The following AGPAT2 variants were observed in gnomAD, a reference collection of about 807,000 sequenced individuals.
AGPAT2 encodes 1-acyl-sn-glycerol-3-phosphate acyltransferase beta.
In AGPAT2, 18 loss-of-function variants were observed where a neutral mutation model predicts 26.1. The observed-to-expected ratio is 0.69, with a 90% CI of 0.48 to 1.02. The LOEUF is 1.02. Among genes scored for constraint, AGPAT2 ranks in the 50% least tolerant of loss-of-function variants. The pLI, the probability that AGPAT2 is intolerant of heterozygous loss-of-function variation, is 0.00. For synonymous variants in AGPAT2, 200 were observed against 174.2 expected (o/e 1.15, Z -1.16); for missense variants, 415 against 394.9 (o/e 1.05, Z -0.43).
Position 136,676,635 on chromosome 9 carries a change from C to CCCCATTGT in AGPAT2, c.530_537dup (p.Asp180ThrfsTer76). Reference sequence around the variant, plus strand: ...GCGCCCTTCTTAAAAGGCAGCAGGTCCCCATTGTCGTTGCGAGTACCCTCG... The same window carrying CCCCATTGT: ...GCGCCCTTCTTAAAAGGCAGCAGGTCCCCATTGTCCCATTGTCGTTGCGAGTACCCTCG... On this transcript the variant is annotated frameshift_variant, in exon 4 of 6. Coordinates refer to ENST00000371696, the MANE Select transcript of AGPAT2 (RefSeq NM_006412.4). LOFTEE classifies it high-confidence loss of function. 6.2e-7 allele frequency: 1 copy of CCCCATTGT among 1,613,586 alleles called. No individual in the cohort carries two copies. The highest frequency in any genetic ancestry group is 8.5e-7 in the Non-Finnish European group (1 of 1,179,910).
At chr9:136,684,046 G>C (rs1252121775) in intron 1 of AGPAT2, among the ~76,000 whole-genome samples, 1 of 152,224 alleles carries the variant, frequency 6.6e-6, no homozygotes. Flanking sequence ...CCGGCCTCCA[G>C]ATACCAGCAG....
chr9:136,674,661 G>T (rs1384889935), intron 5 of AGPAT2, 74 bp downstream of exon 5: 2 of 1,183,890 alleles, frequency 1.7e-6, no homozygotes, highest in Admixed American at 3.9e-5. Context: ...AAATGGGAAC[G>T]ATGAGGGGCC....
chr9:136,687,401 C>CCCGCTCCCGCTT lies in AGPAT2; in HGVS notation c.-56_-45dup. The CCCGCTCCCGCTT allele has an allele frequency of 7.2e-7, 1 of 1,394,146 alleles. No homozygotes were observed. The highest frequency in any genetic ancestry group is 3.4e-5 in the Admixed American group (1 of 29,384). The allele number at this position is 1,394,146 out of a possible 1,614,324, so 86.4% of individuals were successfully genotyped here. On this transcript the variant is annotated 5_prime_UTR_variant, in exon 1 of 6. Transcript: ENST00000371696. Reference sequence around the variant, plus strand: ...ACGGCGCCGCCAGCTCGCTCCCGCTCCCGCTCCCGCTTCTCCCCCGCGCGC... The same window carrying CCCGCTCCCGCTT: ...ACGGCGCCGCCAGCTCGCTCCCGCTCCCGCTCCCGCTTCCGCTCCCGCTTCTCCCCCGCGCGC...
rs1273272422 is a variant in AGPAT2 at position 136,677,105 on chromosome 9, C to T, written c.348G>A (p.Val116=). Reference sequence around the variant, plus strand: ...AGAGCAGCTCCCGCTTGGCGATCTGCACGCAGCGCTCCGGAAGGACCTCCA... The same window carrying T: ...AGAGCAGCTCCCGCTTGGCGATCTGTACGCAGCGCTCCGGAAGGACCTCCA... ...GLMEVLPERC[V]QIAKRELLFL... is the part of the protein sequence containing the mutation. Residue 116 remains valine, a synonymous_variant, in exon 3 of 6, where the codon GTG becomes GTA. Transcript: ENST00000371696. 6.2e-7 allele frequency: 1 copy of T among 1,613,184 alleles called. No individual in the cohort carries two copies. Among genetic ancestry groups the T allele is most frequent in the Non-Finnish European group, 8.5e-7 (1 of 1,179,990 alleles).
At chr9:136,675,290 A>G (rs1393083267) in intron 4 of AGPAT2, among the ~76,000 whole-genome samples, 1 of 151,378 alleles carries the variant, frequency 6.6e-6, no homozygotes, top group Non-Finnish European at 1.5e-5. Context: ...GGGGGTGATC[A>G]TTAACCCGAG....
rs537253484 is a variant in AGPAT2, at chr9:136,673,397, C to T, written c.*355G>A. On this transcript the variant is annotated 3_prime_UTR_variant, in exon 6 of 6. Coordinates refer to ENST00000371696, the MANE Select transcript of AGPAT2 (RefSeq NM_006412.4). ...CTGAGCAGAGGGCTCGGACAGTGTGCGTCTGGCCTCGGGGTCCTCCCATCT... is the reference window on the plus strand; with the variant it reads ...CTGAGCAGAGGGCTCGGACAGTGTGTGTCTGGCCTCGGGGTCCTCCCATCT... 1.8e-4 allele frequency: 36 copies of T among 196,288 alleles called. No homozygotes were observed. Among genetic ancestry groups the T allele is most frequent in the Non-Finnish European group, 3.6e-4 (35 of 97,016 alleles). The allele number at this position is 196,288 out of a possible 1,614,324, so 12.2% of individuals were successfully genotyped here.
chr9:136,674,648 C>T (rs1048090561), intron 5 of AGPAT2, 87 bp downstream of exon 5: 20 of 1,088,716 alleles, frequency 1.8e-5, no homozygotes, highest in African/African-American at 1.8e-4. Context: ...GGGTGCCACC[C>T]GGAAATGGGA....
intron 1 of AGPAT2, among the ~76,000 whole-genome samples, chr9:136,683,432 A>G (rs925405289): frequency 2.0e-5 from 3 of 152,108 alleles, no homozygotes; most frequent in African/African-American, 7.2e-5. Context: ...CAGCTCTCTG[A>G]GCCAGGACTT....
Position 136,681,946 on chromosome 9 carries a change from A to G in AGPAT2, c.183-4390T>C, listed in dbSNP as rs531129040. Among the ~76,000 whole-genome samples the G allele has an allele frequency of 1.8e-4, 27 of 152,266 alleles. No individual in the cohort carries two copies. The South Asian group carries it at 5.4e-3, about 30-fold the overall frequency. On this transcript the variant is annotated intron_variant, in intron 1 of 5. Transcript: ENST00000371696. ...GAGGCCCCCTGCACCTCCTGTGTGC[A>G]AAGCCTCGAGACAAGGGCTCTACAT...
chr9:136,686,687 T>A (rs1846225316), intron 1 of AGPAT2, among the ~76,000 whole-genome samples: 1 of 152,146 alleles, frequency 6.6e-6, no homozygotes, highest in African/African-American at 2.4e-5. Context: ...GGTGCGCCCA[T>A]CACCGGGCGG....
In AGPAT2 at chr9:136,673,698, C is replaced by T. The variant is rs1588260674; in HGVS notation, c.*54G>A. 2.0e-6 allele frequency: 3 copies of T among 1,492,810 alleles called. No individual in the cohort carries two copies. The highest frequency in any genetic ancestry group is 2.7e-6 in the Non-Finnish European group (3 of 1,110,986). The allele number at this position is 1,492,810 out of a possible 1,614,324, so 92.5% of individuals were successfully genotyped here. On this transcript the variant is annotated 3_prime_UTR_variant, in exon 6 of 6. Coordinates refer to ENST00000371696, the MANE Select transcript of AGPAT2 (RefSeq NM_006412.4). ...GGGAGGAGTCCCCTCTGCCCATCCT[C>T]CAGCCATCGGCTTCCACCTGCCCTC...
chr9:136,685,430 T>C (rs772448528), intron 1 of AGPAT2, among the ~76,000 whole-genome samples: 2 of 152,198 alleles, frequency 1.3e-5, no homozygotes, highest in African/African-American at 2.4e-5. Context: ...ATTTGGTCCC[T>C]GGAAAACAGC....
Position 136,687,418 on chromosome 9 carries a change from C to G in AGPAT2, c.-61G>C, listed in dbSNP as rs886063725. 253 of 1,351,410 alleles carry G rather than the reference C, an allele frequency of 1.9e-4. No individual in the cohort carries two copies. Among genetic ancestry groups the G allele is most frequent in the Non-Finnish European group, 2.4e-4 (249 of 1,053,168 alleles). The allele number at this position is 1,351,410 out of a possible 1,614,324, so 83.7% of individuals were successfully genotyped here. On this transcript the variant is annotated 5_prime_UTR_variant, in exon 1 of 6. Coordinates refer to ENST00000371696, the MANE Select transcript of AGPAT2 (RefSeq NM_006412.4). The stretch of plus-strand genomic sequence containing the variant: ...CTCCCGCTCCCGCTCCCGCTTCTCC[C>G]CCGCGCGCTCAGGCCCCTTATTGCG...
In AGPAT2 at chr9:136,676,588, T is replaced by C; in HGVS notation, c.585A>G (p.Ala195=). 6.2e-7 allele frequency: 1 copy of C among 1,612,520 alleles called. No homozygotes were observed. The highest frequency in any genetic ancestry group is 2.2e-5 in the East Asian group (1 of 44,860). Reference sequence around the variant, plus strand: ...GGGAGGGCTGGGCTCAGCCTACCTGTGCCTGGACTGCCAGGTAGAAGGCGC... The same window carrying C: ...GGGAGGGCTGGGCTCAGCCTACCTGCGCCTGGACTGCCAGGTAGAAGGCGC... ...KKGAFYLAVQ[A]QVPIVPVVYS... The change falls in exon 4 of 6, where the codon GCA becomes GCG. Residue 195 remains alanine (A), a synonymous_variant. Transcript: ENST00000371696.
intron 4 of AGPAT2, among the ~76,000 whole-genome samples, chr9:136,675,309 G>A (rs1488311442): frequency 6.6e-6 from 1 of 151,668 alleles, no homozygotes; most frequent in African/African-American, 2.4e-5. Flanking sequence ...AGGCAGCCAG[G>A]GAACCTCCAG....
intron 1 of AGPAT2, among the ~76,000 whole-genome samples, chr9:136,681,419 G>A (rs1455808554): frequency 6.6e-6 from 1 of 152,218 alleles, no homozygotes; most frequent in African/African-American, 2.4e-5. Flanking sequence ...ATCTGCACCA[G>A]CCACGTGAGG....
intron 1 of AGPAT2, among the ~76,000 whole-genome samples, chr9:136,681,410 T>C (rs577500878): frequency 2.0e-5 from 3 of 152,328 alleles, no homozygotes; most frequent in East Asian, 3.9e-4. Flanking sequence ...CAAAGGGCCA[T>C]CTGCACCAGC....
Position 136,676,944 on chromosome 9 carries a change from C to T in AGPAT2, c.492+17G>A, listed in dbSNP as rs752547368. The stretch of plus-strand genomic sequence containing the variant: ...GGCCCCACCCCAACCCCACCGAGCC[C>T]GGCCCTGCACACTCACGTTCTCCCT... On this transcript the variant is annotated intron_variant, in intron 3 of 5. Transcript: ENST00000371696. 7.4e-6 allele frequency: 12 copies of T among 1,611,870 alleles called. No homozygotes were observed. Among genetic ancestry groups the T allele is most frequent in the East Asian group, 2.2e-5 (1 of 44,830 alleles).
intron 1 of AGPAT2, among the ~76,000 whole-genome samples, chr9:136,684,115 G>A (rs1425897957): frequency 6.6e-6 from 1 of 152,202 alleles, no homozygotes; most frequent in Non-Finnish European, 1.5e-5. Flanking sequence ...TTTCTGTCTG[G>A]GACCCTGAAA....
Sources: gnomAD v4.1 joint callset for allele counts (sites outside exome capture counted in the v4.1 genomes callset) on GRCh38, gnomAD v4.1.1 for gene constraint, MANE v1.5 for transcripts, NCBI Gene and HGNC (gene_info 2026-07-23, HGNC 2026-07-21) for gene names.